Variants in DNAI2 observed in about 807,000 individuals in gnomAD.
DNAI2 encodes dynein, axonemal, intermediate polypeptide 2.
DNAI2 carries 63 observed loss-of-function variants against 74.7 expected under a neutral mutation model. The observed-to-expected ratio is 0.84, with a 90% confidence interval of 0.69 to 1.04. DNAI2 has a LOEUF of 1.04. Ranked by LOEUF, DNAI2 falls within the 50% of genes least tolerant of loss-of-function variation. The probability of loss-of-function intolerance (pLI) is 0.00; values close to 1 mark genes in which losing one functional copy is unlikely to be tolerated. For synonymous variants in DNAI2, 289 were observed against 314.9 expected (o/e 0.92, Z 0.87); for missense variants, 688 against 803.2 (o/e 0.86, Z 1.73).
intron 5 of DNAI2, 99 bp downstream of exon 5, chr17:74,289,835 A>G (rs762541914): frequency 5.2e-4 from 794 of 1,521,360 alleles, no homozygotes; most frequent in Non-Finnish European, 6.7e-4. Flanking sequence ...AAGGACACTC[A>G]CGCGGTTGGT....
chr17:74,302,074 G>GGAAGGAAGGAAGGAAGGAAGGAAGGAAA (rs2052882769), intron 8 of DNAI2, among the ~76,000 whole-genome samples: 1 of 57,856 alleles, frequency 1.7e-5, no homozygotes, highest in African/African-American at 8.1e-5. Context: ...AAGGAAAGAA[G>GGAAGGAAGGAAGGAAGGAAGGAAGGAAA]GAAGGAAGGA....
Position 74,305,377 on chromosome 17 carries a change from G to C in DNAI2, c.1146G>C (p.Thr382=), listed in dbSNP as rs142571722. Residue 382 remains threonine (T), a synonymous_variant, in exon 9 of 14, where the codon ACG becomes ACC. Transcript: ENST00000311014. ...RNPFYPKNFL[T]VGDWTARIWS... ...CCTTCTACCCGAAGAACTTCCTGACGGTTGGCGACTGGACAGCCCGCATTT... is the reference window on the plus strand; with the variant it reads ...CCTTCTACCCGAAGAACTTCCTGACCGTTGGCGACTGGACAGCCCGCATTT... 1 of 1,614,170 alleles carries C rather than the reference G, an allele frequency of 6.2e-7. No individual in the cohort carries two copies. Among genetic ancestry groups the C allele is most frequent in the Non-Finnish European group, 8.5e-7 (1 of 1,180,040 alleles).
At chr17:74,314,397 G>C in intron 13 of DNAI2, 126 bp downstream of exon 13, 11 of 1,254,160 alleles carry the variant, frequency 8.8e-6, no homozygotes, top group Non-Finnish European at 1.1e-5. Context: ...TGACTCACTG[G>C]GCACTGAGTC....
intron 8 of DNAI2, among the ~76,000 whole-genome samples, chr17:74,301,740 A>AGGATCACTTG (rs1456909972): frequency 6.9e-6 from 1 of 145,328 alleles, no homozygotes; most frequent in East Asian, 2.1e-4. Flanking sequence ...TTGGGAGGCC[A>AGGATCACTTG]AGAATTTAAG....
Position 74,309,289 on chromosome 17 carries a change from C to T in DNAI2, c.1248C>T (p.Ser416=), listed in dbSNP as rs886053378. 2 of 1,614,100 alleles carry T rather than the reference C, an allele frequency of 1.2e-6. No individual in the cohort carries two copies. The highest frequency in any genetic ancestry group is 1.3e-5 in the African/African-American group (1 of 75,014). The change falls in exon 10 of 14, where the codon AGC becomes AGT. Residue 416 remains serine, a synonymous_variant. Coordinates refer to ENST00000311014, the MANE Select transcript of DNAI2 (RefSeq NM_023036.6). The part of the protein sequence containing the change: ...HMAYLTDAAW[S]PVRPTVFFTT... Reference sequence around the variant, plus strand: ...CTTACCTCACTGATGCTGCCTGGAGCCCCGTGAGGCCGACCGTTTTCTTTA... The same window carrying T: ...CTTACCTCACTGATGCTGCCTGGAGTCCCGTGAGGCCGACCGTTTTCTTTA...
chr17:74,298,168 G>T (rs1303248997), intron 6 of DNAI2, among the ~76,000 whole-genome samples: 2 of 152,218 alleles, frequency 1.3e-5, no homozygotes, highest in Non-Finnish European at 2.9e-5. Context: ...TTTCATGCCA[G>T]CTCATACCAG....
At chr17:74,304,705 C>T (rs1012249542) in intron 8 of DNAI2, among the ~76,000 whole-genome samples, 5 of 152,150 alleles carry the variant, frequency 3.3e-5, no homozygotes, top group African/African-American at 9.7e-5. Context: ...GTTACATCAC[C>T]GACTGCCAGG....
chr17:74,293,648 G>A (rs1317915172), intron 6 of DNAI2, among the ~76,000 whole-genome samples: 1 of 151,806 alleles, frequency 6.6e-6, no homozygotes, highest in Non-Finnish European at 1.5e-5. Context: ...AGATTGCAGT[G>A]AGTCGAGATC....
chr17:74,289,492 CT>C, intron 4 of DNAI2, 101 bp from the exon 5 acceptor site: 1 of 1,478,718 alleles, frequency 6.8e-7, no homozygotes, highest in South Asian at 1.2e-5. Context: ...ATGCCACTGC[CT>C]GGGGGACAGA....
chr17:74,281,523 G>T (rs1378665182), intron 1 of DNAI2: 4 of 578,926 alleles, frequency 6.9e-6, no homozygotes, highest in Non-Finnish European at 9.2e-6. Context: ...CTCCCAATGT[G>T]CTGGGATTAC....
intron 3 of DNAI2, among the ~76,000 whole-genome samples, chr17:74,286,337 A>AATAATAATAATT (rs1166251625): frequency 3.5e-5 from 5 of 142,768 alleles, no homozygotes; most frequent in Non-Finnish European, 7.6e-5. Context: ...TAATAATAAT[A>AATAATAATAATT]ATTTTGTTTG....
At chr17:74,289,831 A>G (rs2051977937) in intron 5 of DNAI2, 95 bp downstream of exon 5, 1 of 1,540,716 alleles carries the variant, frequency 6.5e-7, no homozygotes, top group African/African-American at 1.4e-5. Context: ...GGTCAAGGAC[A>G]CTCACGCGGT....
intron 6 of DNAI2, among the ~76,000 whole-genome samples, chr17:74,293,032 A>G (rs1274282687): frequency 1.3e-5 from 2 of 151,278 alleles, no homozygotes; most frequent in South Asian, 2.1e-4. Context: ...ACGGGGTTTC[A>G]CCGTGTTAGC....
At chr17:74,299,908 T>G in intron 7 of DNAI2, 51 bp downstream of exon 7, 1 of 1,609,944 alleles carries the variant, frequency 6.2e-7, no homozygotes, top group East Asian at 2.2e-5. Context: ...GGGCAGTAAC[T>G]GTTCCCTGGT....
intron 8 of DNAI2, among the ~76,000 whole-genome samples, chr17:74,303,440 G>A (rs12451602): frequency 0.49 from 74,216 of 151,922 alleles, 19,788 homozygotes; most frequent in Non-Finnish European, 0.63. Context: ...TGAAGCCCAG[G>A]TTTTTGTTTT....
intron 2 of DNAI2, among the ~76,000 whole-genome samples, chr17:74,282,644 A>C (rs1375558443): frequency 6.6e-6 from 1 of 152,174 alleles, no homozygotes; most frequent in Non-Finnish European, 1.5e-5. Flanking sequence ...ATCTACAGGC[A>C]ACTACCCAGC....
At chr17:74,306,908 G>A (rs945614344) in intron 9 of DNAI2, among the ~76,000 whole-genome samples, 9 of 152,196 alleles carry the variant, frequency 5.9e-5, no homozygotes, top group African/African-American at 9.6e-5. Context: ...ATGAGCCACC[G>A]TGCCTGGTGG....
chr17:74,309,441 G>C (rs779484407), intron 10 of DNAI2, 53 bp downstream of exon 10: 1 of 1,612,626 alleles, frequency 6.2e-7, no homozygotes, highest in Non-Finnish European at 8.5e-7. Context: ...GCCAGGTCCC[G>C]GCGTGGGTGT....
At chr17:74,281,734 C>A in intron 1 of DNAI2, 73 bp from the exon 2 acceptor site, 1 of 1,493,312 alleles carries the variant, frequency 6.7e-7, no homozygotes, top group Non-Finnish European at 9.3e-7. Flanking sequence ...CTGGAGCTGT[C>A]CTGGCAGGAC....
Sources: gnomAD v4.1 joint callset for allele counts (sites outside exome capture counted in the v4.1 genomes callset) on GRCh38, gnomAD v4.1.1 for gene constraint, MANE v1.5 for transcripts, NCBI Gene and HGNC (gene_info 2026-07-23, HGNC 2026-07-21) for gene names.